The following RNF150 variants were observed in gnomAD, a reference collection of about 807,000 sequenced individuals.
The protein encoded by RNF150 is ring finger protein 150.
Under a neutral mutation model 39.3 loss-of-function variants are expected in RNF150, and 24 were observed. The ratio of observed to expected loss-of-function variants is 0.61; its 90% confidence interval spans 0.44 to 0.86. RNF150 has a LOEUF of 0.86. RNF150 is among the 40% of genes least tolerant of loss of function. The probability of loss-of-function intolerance (pLI) is 0.00; values close to 1 mark genes in which losing one functional copy is unlikely to be tolerated. For synonymous variants in RNF150, 255 were observed against 227.3 expected, an observed-to-expected ratio of 1.12 and a Z score of -1.10; for missense variants, 502 against 587.8, an observed-to-expected ratio of 0.85 and a Z score of 1.51.
intron 5 of RNF150, among the ~76,000 whole-genome samples, chr4:140,923,714 AC>A (rs1322160595): frequency 6.6e-6 from 1 of 152,216 alleles, no homozygotes; most frequent in African/African-American, 2.4e-5. Context: ...AAGATTTGGA[AC>A]CAACCCAAAT....
chr4:141,019,436 A>G (rs1331597820), intron 1 of RNF150, among the ~76,000 whole-genome samples: 1 of 152,146 alleles, frequency 6.6e-6, no homozygotes, highest in Non-Finnish European at 1.5e-5. Flanking sequence ...CTAAAAGACT[A>G]TATTTAATTC....
chr4:140,960,026 CA>C (rs1306501980), intron 2 of RNF150, among the ~76,000 whole-genome samples: 1 of 152,128 alleles, frequency 6.6e-6, no homozygotes, highest in African/African-American at 2.4e-5. Context: ...GAGCTCCAGA[CA>C]TACACATCAA....
chr4:140,878,919 A>T (rs1286950040), intron 6 of RNF150, among the ~76,000 whole-genome samples: 1 of 152,120 alleles, frequency 6.6e-6, no homozygotes, highest in African/African-American at 2.4e-5. Flanking sequence ...AGTTTGAGTG[A>T]TTTTTTTGTA....
At chr4:141,066,222 A>C (rs1267172241) in intron 1 of RNF150, among the ~76,000 whole-genome samples, 1 of 139,712 alleles carries the variant, frequency 7.2e-6, no homozygotes. Context: ...AAAAGCTATC[A>C]TTTGTTCAGT....
chr4:141,023,126 G>A (rs2110793208), intron 1 of RNF150, among the ~76,000 whole-genome samples: 1 of 152,242 alleles, frequency 6.6e-6, no homozygotes, highest in East Asian at 1.9e-4. Flanking sequence ...AGTATTTGTT[G>A]TGCATCTACA....
intron 1 of RNF150, among the ~76,000 whole-genome samples, chr4:141,077,065 CT>C (rs1737922067): frequency 2.0e-5 from 3 of 152,060 alleles, no homozygotes; most frequent in Admixed American, 6.6e-5. Flanking sequence ...CACTTTTCAG[CT>C]CTACTCACTA....
intron 1 of RNF150, among the ~76,000 whole-genome samples, chr4:141,082,353 A>T (rs992434426): frequency 4.6e-5 from 7 of 152,228 alleles, no homozygotes; most frequent in African/African-American, 1.7e-4. Flanking sequence ...TTTGAAACCA[A>T]TGCACAAGGT....
chr4:141,100,250 AG>A (rs1738958695), intron 1 of RNF150, among the ~76,000 whole-genome samples: 2 of 152,132 alleles, frequency 1.3e-5, no homozygotes, highest in Non-Finnish European at 2.9e-5. Flanking sequence ...AACATCTCTA[AG>A]TTGCTTCTAA....
At chr4:141,072,702 G>A (rs960433323) in intron 1 of RNF150, among the ~76,000 whole-genome samples, 2 of 152,056 alleles carry the variant, frequency 1.3e-5, no homozygotes, top group African/African-American at 4.8e-5. Flanking sequence ...GATGTGAAAA[G>A]TGCACATTGA....
At chr4:141,077,040 G>A (rs1295477550) in intron 1 of RNF150, among the ~76,000 whole-genome samples, 2 of 152,036 alleles carry the variant, frequency 1.3e-5, no homozygotes, top group East Asian at 1.9e-4. Flanking sequence ...AAAGTCACCT[G>A]GTTTAGGGTT....
intron 1 of RNF150, among the ~76,000 whole-genome samples, chr4:141,172,386 G>A (rs186446369): frequency 2.0e-5 from 3 of 152,306 alleles, no homozygotes; most frequent in Admixed American, 1.3e-4. Context: ...AGGGCAGTGC[G>A]CTCTTCACAG....
At chr4:140,961,383 A>C (rs1000533601) in intron 2 of RNF150, among the ~76,000 whole-genome samples, 8 of 152,152 alleles carry the variant, frequency 5.3e-5, no homozygotes, top group Non-Finnish European at 1.2e-4. Flanking sequence ...CATCTGGCTA[A>C]TTCAAGGTCA....
chr4:140,877,503 AC>A (rs1232378130), intron 6 of RNF150, among the ~76,000 whole-genome samples: 1 of 152,358 alleles, frequency 6.6e-6, no homozygotes, highest in East Asian at 1.9e-4. Flanking sequence ...CATTTCTGCA[AC>A]CGTATAAAAT....
At chr4:140,883,375 A>G (rs1158246361) in intron 6 of RNF150, among the ~76,000 whole-genome samples, 2 of 152,114 alleles carry the variant, frequency 1.3e-5, no homozygotes, top group Non-Finnish European at 2.9e-5. Flanking sequence ...ACTGAGCTTC[A>G]TGGTGCCGTA....
At chr4:140,879,617 G>T (rs1729298725) in intron 6 of RNF150, among the ~76,000 whole-genome samples, 1 of 152,110 alleles carries the variant, frequency 6.6e-6, no homozygotes, top group South Asian at 2.1e-4. Context: ...GAGTCCAGGA[G>T]TTCAAGACCA....
At chr4:141,108,961 G>A (rs1021163251) in intron 1 of RNF150, among the ~76,000 whole-genome samples, 9 of 151,968 alleles carry the variant, frequency 5.9e-5, no homozygotes, top group African/African-American at 2.2e-4. Flanking sequence ...TATGATTTTG[G>A]GCATATTGCT....
intron 1 of RNF150, among the ~76,000 whole-genome samples, chr4:141,000,193 A>G (rs74742671): frequency 0.056 from 8,151 of 145,490 alleles, 467 homozygotes; most frequent in Middle Eastern, 0.13. Flanking sequence ...TTCAGGAGCT[A>G]CAATAAACTT....
intron 6 of RNF150, among the ~76,000 whole-genome samples, chr4:140,888,260 T>C (rs2111221214): frequency 6.6e-6 from 1 of 152,290 alleles, no homozygotes; most frequent in African/African-American, 2.4e-5. Context: ...ACAGACTCAC[T>C]CTTAGCTACA....
At chr4:141,125,074 C>T (rs974948081) in intron 1 of RNF150, among the ~76,000 whole-genome samples, 1 of 152,076 alleles carries the variant, frequency 6.6e-6, no homozygotes, top group Admixed American at 6.5e-5. Context: ...AATTTATAAC[C>T]ACAAATGTGA....
Sources: gnomAD v4.1 joint callset for allele counts (sites outside exome capture counted in the v4.1 genomes callset) on GRCh38, gnomAD v4.1.1 for gene constraint, MANE v1.5 for transcripts, NCBI Gene and HGNC (gene_info 2026-07-23, HGNC 2026-07-21) for gene names.